Variants in FOXP1 observed in about 807,000 individuals in gnomAD.
FOXP1 encodes forkhead box P1.
FOXP1 carries 15 observed loss-of-function variants against 98.2 expected under a neutral mutation model. The ratio of observed to expected loss-of-function variants is 0.15; its 90% CI spans 0.10 to 0.24. FOXP1 has a LOEUF of 0.24. Among genes scored for constraint, FOXP1 ranks in the 10% least tolerant of loss-of-function variants. The probability of loss-of-function intolerance (pLI) is 1.00; values close to 1 mark genes in which losing one functional copy is unlikely to be tolerated. For synonymous variants in FOXP1, 371 were observed against 314.5 expected, an observed-to-expected ratio of 1.18 and a Z score of -1.90; for missense variants, 633 against 848.5, an observed-to-expected ratio of 0.75 and a Z score of 3.15.
rs758220616 is a variant in FOXP1, at chr3:71,052,572, A to G, written c.475T>C (p.Leu159=). The G allele has an allele frequency of 3.5e-6, 5 of 1,443,460 alleles. No homozygotes were observed. Among genetic ancestry groups the G allele is most frequent in the East Asian group, 2.3e-5 (1 of 44,150 alleles). The allele number at this position is 1,443,460 out of a possible 1,614,324, so 89.4% of individuals were successfully genotyped here. The change falls in exon 9 of 21, where the codon TTA becomes CTA. Residue 159 remains leucine (L), a synonymous_variant. Transcript: ENST00000649528. ...TGTTTTCCAGCATGTTGTTGTTGTAAAAGTTGAAGCTGCAACTGTTCCTGT... is the reference window on the plus strand; with the variant it reads ...TGTTTTCCAGCATGTTGTTGTTGTAGAAGTTGAAGCTGCAACTGTTCCTGT... ...KQQEQLQLQL[L]QQQHAGKQPK...
chr3:71,060,124 A>T (rs1433736296), intron 7 of FOXP1, among the ~76,000 whole-genome samples: 1 of 151,862 alleles, frequency 6.6e-6, no homozygotes, highest in African/African-American at 2.4e-5. Context: ...GCAAATATGT[A>T]TTTTTTTTCC....
chr3:70,983,285 TG>T (rs1010426955), intron 14 of FOXP1, among the ~76,000 whole-genome samples: 34 of 148,744 alleles, frequency 2.3e-4, no homozygotes, highest in African/African-American at 8.2e-4. Flanking sequence ...GAAAGGTTGG[TG>T]GGGGTGGGGC....
intron 5 of FOXP1, among the ~76,000 whole-genome samples, chr3:71,263,655 G>A (rs565639122): frequency 6.6e-6 from 1 of 152,162 alleles, no homozygotes; most frequent in South Asian, 2.1e-4. Flanking sequence ...ACTCCTTTGT[G>A]GAGATTCACT....
chr3:71,336,456 G>A (rs2076687368), intron 4 of FOXP1, among the ~76,000 whole-genome samples: 1 of 150,178 alleles, frequency 6.7e-6, no homozygotes, highest in African/African-American at 2.4e-5. Flanking sequence ...GCCCCAGTGT[G>A]TGAGGTTCCC....
intron 6 of FOXP1, among the ~76,000 whole-genome samples, chr3:71,122,157 T>C (rs897453828): frequency 6.6e-6 from 1 of 152,236 alleles, no homozygotes; most frequent in Non-Finnish European, 1.5e-5. Flanking sequence ...AATATGGTAC[T>C]GTATTCCTTT....
At chr3:71,455,530 C>T (rs890899554) in intron 3 of FOXP1, among the ~76,000 whole-genome samples, 1 of 152,092 alleles carries the variant, frequency 6.6e-6, no homozygotes, top group Non-Finnish European at 1.5e-5. Context: ...ATACAAACTG[C>T]ATAAAACAAA....
intron 5 of FOXP1, among the ~76,000 whole-genome samples, chr3:71,297,174 T>A (rs749920049): frequency 6.6e-6 from 1 of 152,166 alleles, no homozygotes; most frequent in African/African-American, 2.4e-5. Flanking sequence ...ACTTTTATGA[T>A]CAAGTAATTT....
At chr3:71,158,233 G>C (rs898616513) in intron 6 of FOXP1, among the ~76,000 whole-genome samples, 18 of 151,984 alleles carry the variant, frequency 1.2e-4, no homozygotes, top group Admixed American at 1.1e-3. Flanking sequence ...AAAGACAGAA[G>C]AGAGACAGAA....
chr3:71,261,010 A>G (rs986328127), intron 5 of FOXP1, among the ~76,000 whole-genome samples: 2 of 152,216 alleles, frequency 1.3e-5, no homozygotes, highest in Admixed American at 6.5e-5. Context: ...TTGTTAAACC[A>G]TTAACTCTGC....
chr3:71,195,295 A>G (rs1351818471), intron 6 of FOXP1, among the ~76,000 whole-genome samples: 1 of 152,196 alleles, frequency 6.6e-6, no homozygotes, highest in Non-Finnish European at 1.5e-5. Flanking sequence ...GGGCCCTCCC[A>G]TTCTGAAAAC....
intron 3 of FOXP1, among the ~76,000 whole-genome samples, chr3:71,427,313 G>A (rs1264003092): frequency 5.9e-5 from 9 of 152,132 alleles, no homozygotes; most frequent in Non-Finnish European, 1.0e-4. Flanking sequence ...GGGAGACAAA[G>A]CATTTCACAC....
At chr3:70,977,194 C>T in intron 16 of FOXP1, 152 bp from the exon 17 acceptor site, 1 of 637,636 alleles carries the variant, frequency 1.6e-6, no homozygotes, top group South Asian at 1.8e-5. Context: ...TTGTATTTAA[C>T]AGTTCAATAG....
chr3:71,583,822 CG>C (rs2048385888), upstream of FOXP1: 2 of 987,504 alleles, frequency 2.0e-6, no homozygotes, highest in Non-Finnish European at 2.4e-6. Context: ...GCGGCGGCGG[CG>C]GCAGAGGCGC....
intron 7 of FOXP1, among the ~76,000 whole-genome samples, chr3:71,096,755 T>G (rs2056492990): frequency 6.6e-6 from 1 of 152,196 alleles, no homozygotes; most frequent in African/African-American, 2.4e-5. Flanking sequence ...ATGAAAATAT[T>G]CAGAAGGACG....
chr3:71,505,413 TG>T (rs1297705578), intron 2 of FOXP1, among the ~76,000 whole-genome samples: 2 of 133,694 alleles, frequency 1.5e-5, no homozygotes, highest in Non-Finnish European at 3.1e-5. Context: ...AGAAGAGGGA[TG>T]CTTTTTTTTT....
intron 3 of FOXP1, among the ~76,000 whole-genome samples, chr3:71,410,687 C>T (rs576710711): frequency 3.3e-5 from 5 of 152,216 alleles, no homozygotes; most frequent in East Asian, 3.9e-4. Context: ...ACTGATTTTA[C>T]GTTTCTGATC....
intron 2 of FOXP1, among the ~76,000 whole-genome samples, chr3:71,505,849 G>A (rs1378103218): frequency 5.3e-5 from 8 of 152,060 alleles, no homozygotes; most frequent in Non-Finnish European, 1.2e-4. Flanking sequence ...AATGTCACCT[G>A]TCACTAAAGT....
At chr3:71,188,367 G>A (rs983700072) in intron 6 of FOXP1, among the ~76,000 whole-genome samples, 1 of 151,940 alleles carries the variant, frequency 6.6e-6, no homozygotes, top group Non-Finnish European at 1.5e-5. Flanking sequence ...ATAAAAACAC[G>A]AATGTAGGAT....
At chr3:71,184,473 C>T (rs2108300034) in intron 6 of FOXP1, among the ~76,000 whole-genome samples, 1 of 152,236 alleles carries the variant, frequency 6.6e-6, no homozygotes, top group Admixed American at 6.5e-5. Context: ...GTTTACATTT[C>T]AATAGACATG....
Sources: allele counts gnomAD v4.1 joint callset (sites outside exome capture counted in the v4.1 genomes callset), GRCh38; gene constraint gnomAD v4.1.1; transcripts MANE v1.5; gene names NCBI Gene and HGNC (gene_info 2026-07-23, HGNC 2026-07-21).